Variants in GABARAPL2 observed in about 807,000 individuals in gnomAD.
The protein encoded by GABARAPL2 is GABA type A receptor associated protein like 2, also known as gamma-aminobutyric acid receptor-associated protein-like 2.
Under a neutral mutation model 16.9 loss-of-function variants are expected in GABARAPL2, and 11 were observed. The ratio of observed to expected loss-of-function variants is 0.65; its 90% CI spans 0.41 to 1.08. The LOEUF (loss-of-function observed/expected upper bound fraction) is 1.08. GABARAPL2 is among the 50% of genes least tolerant of loss of function. The probability of loss-of-function intolerance (pLI) is 0.00; values close to 1 mark genes in which losing one functional copy is unlikely to be tolerated. For missense variants in GABARAPL2, 134 were observed against 142.5 expected, an observed-to-expected ratio of 0.94 and a Z score of 0.30; for synonymous variants, 57 against 50.7, an observed-to-expected ratio of 1.12 and a Z score of -0.53.
chr16:75,573,594 A>G (rs1359684245), intron 3 of GABARAPL2, among the ~76,000 whole-genome samples: 1 of 152,220 alleles, frequency 6.6e-6, no homozygotes, highest in East Asian at 1.9e-4. Context: ...AAATTACAAG[A>G]TGGGAAGGAG....
rs1218030977 is a variant in GABARAPL2 at position 75,568,161 on chromosome 16, C to T, written c.215C>T (p.Ser72Phe). 1.2e-6 allele frequency: 2 copies of T among 1,613,102 alleles called. No homozygotes were observed. Among genetic ancestry groups the T allele is most frequent in the Non-Finnish European group, 8.5e-7 (1 of 1,179,220 alleles). The change falls in exon 3 of 4, where the codon TCT (serine) becomes TTT (phenylalanine). Residue 72 changes from serine to phenylalanine, a missense_variant. Ser to Phe is a radical substitution (Grantham distance 155). Transcript: ENST00000037243. ...WIIRKRIQLP[S>F]EKAIFLFVDK... ...ATCAGGAAAAGGATCCAGCTTCCTT[C>T]TGAAAAGGCGATCTTCCTGTTTGTG...
At chr16:75,576,725 T>C (rs1384498937) in intron 3 of GABARAPL2, 1 of 153,480 alleles carries the variant, frequency 6.5e-6, no homozygotes, top group Non-Finnish European at 1.4e-5. Flanking sequence ...CACGTTTAGT[T>C]TGAAGAGTAT....
At chr16:75,573,656 C>T (rs779751525) in intron 3 of GABARAPL2, among the ~76,000 whole-genome samples, 8 of 152,208 alleles carry the variant, frequency 5.3e-5, no homozygotes, top group Non-Finnish European at 1.2e-4. Context: ...TGGCAGCAGT[C>T]GCCTTACCTG....
chr16:75,574,202 A>C (rs1298648688), intron 3 of GABARAPL2, among the ~76,000 whole-genome samples: 1 of 152,202 alleles, frequency 6.6e-6, no homozygotes, highest in Admixed American at 6.5e-5. Flanking sequence ...GATAGCATAC[A>C]CAGGCCCGGG....
At chr16:75,571,128 G>A (rs926093335) in intron 3 of GABARAPL2, among the ~76,000 whole-genome samples, 1 of 152,122 alleles carries the variant, frequency 6.6e-6, no homozygotes, top group Non-Finnish European at 1.5e-5. Context: ...CACCCTGGCT[G>A]GAGTGCAGTG....
rs1029695334 is a variant in GABARAPL2 at position 75,566,379 on chromosome 16, AGTCGCCGCC to A, written c.-102_-94del. 30 of 791,388 alleles carry A rather than the reference AGTCGCCGCC, an allele frequency of 3.8e-5. No homozygotes were observed. The highest frequency in any genetic ancestry group is 5.7e-5 in the Non-Finnish European group (27 of 475,068). The allele number at this position is 791,388 out of a possible 1,614,324, so 49.0% of individuals were successfully genotyped here. A position where few individuals can be genotyped will look rare whatever the true frequency, so the allele number is the denominator to read the frequency against. On this transcript the variant is annotated 5_prime_UTR_variant, in exon 1 of 4. Transcript: ENST00000037243. ...CAGCCGGAAGTCCCGCCTGCCGTGT[AGTCGCCGCC>A]GTCGCTGCCGCTGCCGCTGCCGCCG...
intron 2 of GABARAPL2, among the ~76,000 whole-genome samples, chr16:75,567,493 T>G (rs1038779651): frequency 6.6e-6 from 1 of 152,238 alleles, no homozygotes; most frequent in South Asian, 2.1e-4. Flanking sequence ...CATTAAGGCC[T>G]GTTATTGTAG....
At chr16:75,576,298 T>A (rs1597061700) in intron 3 of GABARAPL2, 1 of 152,188 alleles carries the variant, frequency 6.6e-6, no homozygotes, top group African/African-American at 2.4e-5. Flanking sequence ...GTGGTATTTG[T>A]CCATGTTTAC....
chr16:75,572,391 A>C (rs2080920664), intron 3 of GABARAPL2: 1 of 152,278 alleles, frequency 6.6e-6, no homozygotes, highest in Admixed American at 6.5e-5. Context: ...AGGTGTGCTC[A>C]TCAGCCCAGC....
intron 3 of GABARAPL2, chr16:75,568,484 T>C: frequency 3.6e-6 from 1 of 274,836 alleles, no homozygotes; most frequent in Non-Finnish European, 6.9e-6. Flanking sequence ...TGAGAACTTA[T>C]TTAGTCTTAA....
chr16:75,566,729 C>T lies in GABARAPL2; in HGVS notation c.35-123C>T. 6 of 1,051,124 alleles carry T rather than the reference C, an allele frequency of 5.7e-6. No individual in the cohort carries two copies. The Admixed American group carries it at 7.5e-5, about 13-fold the overall frequency. 65.1% of individuals were successfully genotyped at this position (1,051,124 alleles called of 1,614,324 possible). On this transcript the variant is annotated intron_variant, in intron 1 of 3. Transcript: ENST00000037243. ...TGGGAGCTAGTAGGGGACAGGACCG[C>T]GGCCCCGGGGACGCCGGAACCAGGG... is the stretch of plus-strand genomic sequence containing the variant.
chr16:75,568,579 C>T (rs921827912), intron 3 of GABARAPL2, among the ~76,000 whole-genome samples: 2 of 152,174 alleles, frequency 1.3e-5, no homozygotes, highest in African/African-American at 4.8e-5. Flanking sequence ...GCCTGTGGGC[C>T]CTGCTGAGGC....
At chr16:75,567,686 G>T (rs2080892109) in intron 2 of GABARAPL2, among the ~76,000 whole-genome samples, 1 of 152,146 alleles carries the variant, frequency 6.6e-6, no homozygotes, top group Admixed American at 6.5e-5. Flanking sequence ...AGTGTTTCCT[G>T]TAGTGTGAAG....
chr16:75,574,828 C>T (rs2151719957), intron 3 of GABARAPL2, among the ~76,000 whole-genome samples: 1 of 21,686 alleles, frequency 4.6e-5, no homozygotes, highest in East Asian at 0.019. Context: ...AGTTCAAGAC[C>T]AGCCTGGCCA....
chr16:75,571,349 T>C (rs1158566341), intron 3 of GABARAPL2, among the ~76,000 whole-genome samples: 3 of 152,234 alleles, frequency 2.0e-5, no homozygotes, highest in African/African-American at 7.2e-5. Flanking sequence ...GTTTATTTGC[T>C]TCTGGATCTT....
chr16:75,568,961 A>G (rs1289831489), intron 3 of GABARAPL2, among the ~76,000 whole-genome samples: 1 of 152,106 alleles, frequency 6.6e-6, no homozygotes, highest in East Asian at 1.9e-4. Flanking sequence ...GTAGGCCCTG[A>G]TCCAGATTCC....
At chr16:75,574,510 A>G (rs561522900) in intron 3 of GABARAPL2, among the ~76,000 whole-genome samples, 240 of 152,190 alleles carry the variant, frequency 1.6e-3, no homozygotes, top group Non-Finnish European at 2.7e-3. Flanking sequence ...TTGTTTTCCC[A>G]TTAGCCTCAT....
intron 1 of GABARAPL2, 66 bp downstream of exon 1, chr16:75,566,586 C>A: frequency 1.3e-6 from 2 of 1,571,102 alleles, no homozygotes; most frequent in Non-Finnish European, 1.7e-6. Context: ...CTCCCCCACT[C>A]GGGCGGCCCT....
intron 3 of GABARAPL2, chr16:75,568,448 G>T: frequency 1.1e-5 from 4 of 365,054 alleles, no homozygotes; most frequent in Non-Finnish European, 2.0e-5. Flanking sequence ...CTCAGCCTAA[G>T]ATCTCCAAGA....
Sources: allele counts gnomAD v4.1 joint callset (sites outside exome capture counted in the v4.1 genomes callset), GRCh38; gene constraint gnomAD v4.1.1; transcripts MANE v1.5; gene names NCBI Gene and HGNC (gene_info 2026-07-23, HGNC 2026-07-21).